RASGEF1C: variants seen among roughly 807,000 people sequenced by gnomAD.
The protein encoded by RASGEF1C is RasGEF domain family member 1C.
A neutral mutation model predicts 58.1 loss-of-function variants in RASGEF1C; 27 were observed. That is an observed-to-expected ratio of 0.46 (90% CI 0.34 to 0.64). The LOEUF (loss-of-function observed/expected upper bound fraction) is 0.64. Among genes scored for constraint, RASGEF1C ranks in the 30% least tolerant of loss-of-function variants. The pLI is 0.01. For missense variants in RASGEF1C, 502 were observed against 605.1 expected (o/e 0.83, Z 1.79); for synonymous variants, 243 against 246.3 (o/e 0.99, Z 0.13).
At chr5:180,121,264 C>A in intron 6 of RASGEF1C, 115 bp from the exon 7 acceptor site, 1 of 707,656 alleles carries the variant, frequency 1.4e-6, no homozygotes, top group Non-Finnish European at 2.5e-6. Flanking sequence ...ACCCCCAAAC[C>A]ATCCAGAAAT....
At chr5:180,159,201 G>A (rs938875859) in intron 1 of RASGEF1C, among the ~76,000 whole-genome samples, 3 of 150,518 alleles carry the variant, frequency 2.0e-5, no homozygotes, top group South Asian at 2.1e-4. Flanking sequence ...GTGCAACGGC[G>A]CGATCTCGGC....
rs73338746 is a variant in RASGEF1C at position 180,201,808 on chromosome 5, G to C, written c.-7+7220C>G. 4.2e-3 allele frequency among the ~76,000 whole-genome samples: 635 copies of C among 152,318 alleles called. 3 individuals carry two copies. The highest frequency in any genetic ancestry group is 0.031 in the Middle Eastern group (9 of 294). ...TAGTGCCCTTAGAAAAGAGGATCCA[G>C]AGAGCTCCCTTGTCCCTTCCTCCAT... On this transcript the variant is annotated intron_variant, in intron 1 of 13. Transcript: ENST00000361132.
chr5:180,161,663 C>T (rs1310761141), intron 1 of RASGEF1C, among the ~76,000 whole-genome samples: 2 of 152,244 alleles, frequency 1.3e-5, no homozygotes, highest in Non-Finnish European at 2.9e-5. Context: ...GCCTCGCCTC[C>T]CCAGCCCCGC....
At chr5:180,121,180 T>C in intron 6 of RASGEF1C, 31 bp from the exon 7 acceptor site, 1 of 1,478,406 alleles carries the variant, frequency 6.8e-7, no homozygotes, top group Non-Finnish European at 9.5e-7. Flanking sequence ...GGGACCACGT[T>C]CTGAGCCTTT....
chr5:180,130,167 C>T (rs915115013), intron 4 of RASGEF1C, among the ~76,000 whole-genome samples: 4 of 152,206 alleles, frequency 2.6e-5, no homozygotes, highest in Non-Finnish European at 4.4e-5. Context: ...ATTGTCTCGA[C>T]GGTGGTCCTA....
At chr5:180,157,592 A>G (rs1429385559) in intron 1 of RASGEF1C, among the ~76,000 whole-genome samples, 1 of 150,426 alleles carries the variant, frequency 6.6e-6, no homozygotes, top group Admixed American at 6.7e-5. Context: ...GCGCCATTGC[A>G]CTCCAGTCTC....
At chr5:180,182,183 C>T (rs556272013) in intron 1 of RASGEF1C, among the ~76,000 whole-genome samples, 18 of 100,618 alleles carry the variant, frequency 1.8e-4, no homozygotes, top group Admixed American at 7.5e-4. Flanking sequence ...CCAGCCTGGG[C>T]AACAGAGCAA....
At chr5:180,169,027 T>C (rs902201765) in intron 1 of RASGEF1C, among the ~76,000 whole-genome samples, 9 of 152,084 alleles carry the variant, frequency 5.9e-5, no homozygotes, top group Admixed American at 1.3e-4. Flanking sequence ...GTGCGTTCTG[T>C]TGGTTTTAAG....
At chr5:180,131,592 G>A (rs1582272317) in intron 4 of RASGEF1C, among the ~76,000 whole-genome samples, 1 of 152,150 alleles carries the variant, frequency 6.6e-6, no homozygotes, top group Non-Finnish European at 1.5e-5. Flanking sequence ...AGCCAACTGC[G>A]GGCTGCCCTG....
At position 180,109,330 on chromosome 5, in the gene RASGEF1C, T is replaced by C. The variant is rs969796570; in HGVS notation, c.1303+2127A>G. Among the ~76,000 whole-genome samples the C allele has an allele frequency of 9.4e-4, 143 of 152,002 alleles. 1 individual carries two copies. The highest frequency in any genetic ancestry group is 5.8e-3 in the South Asian group (28 of 4,802). Reference sequence around the variant, plus strand: ...AAAATTAGCCGGGCGTGGTGGTGGGTGCCTGTAGTCCCAGCTACTCGGGAG... The same window carrying C: ...AAAATTAGCCGGGCGTGGTGGTGGGCGCCTGTAGTCCCAGCTACTCGGGAG... On this transcript the variant is annotated intron_variant, in intron 12 of 13. Coordinates refer to ENST00000361132, the MANE Select transcript of RASGEF1C (RefSeq NM_175062.4).
intron 12 of RASGEF1C, among the ~76,000 whole-genome samples, chr5:180,109,568 C>A (rs1322702733): frequency 6.6e-6 from 1 of 152,186 alleles, no homozygotes; most frequent in Non-Finnish European, 1.5e-5. Context: ...ACCTTACAGA[C>A]ATGATTAAAT....
At chr5:180,121,555 C>T (rs946826483) in intron 6 of RASGEF1C, among the ~76,000 whole-genome samples, 59 of 151,956 alleles carry the variant, frequency 3.9e-4, no homozygotes, top group Non-Finnish European at 7.5e-4. Context: ...CCTCGTGATC[C>T]GCCCACCTCG....
chr5:180,153,823 A>C (rs1000157561), intron 1 of RASGEF1C, among the ~76,000 whole-genome samples: 15 of 152,234 alleles, frequency 9.9e-5, no homozygotes, highest in Non-Finnish European at 1.5e-5. Flanking sequence ...AATACTGGTA[A>C]GAATAAGTAT....
intron 1 of RASGEF1C, among the ~76,000 whole-genome samples, chr5:180,181,227 TA>T (rs1007434780): frequency 1.3e-5 from 2 of 152,160 alleles, no homozygotes; most frequent in African/African-American, 4.8e-5. Flanking sequence ...AGCTACCAGG[TA>T]AACATAAAAG....
intron 1 of RASGEF1C, among the ~76,000 whole-genome samples, chr5:180,171,264 T>C (rs1021751688): frequency 1.3e-5 from 2 of 151,902 alleles, no homozygotes; most frequent in Non-Finnish European, 2.9e-5. Context: ...TGGGAGGATC[T>C]GGAAGAAGTG....
chr5:180,113,291 A>C (rs1348599476), intron 11 of RASGEF1C, among the ~76,000 whole-genome samples: 3 of 70,054 alleles, frequency 4.3e-5, no homozygotes, highest in Admixed American at 1.4e-4. Flanking sequence ...GGGATCCAGG[A>C]TGGACGGAGG....
At position 180,101,465 on chromosome 5, in the gene RASGEF1C, GGCTCCAGCTCTTCCTCGTCCCTCA is replaced by G. The variant is rs773853474; in HGVS notation, c.*12_*35del. On this transcript the variant is annotated 3_prime_UTR_variant, in exon 14 of 14. Coordinates refer to ENST00000361132, the MANE Select transcript of RASGEF1C (RefSeq NM_175062.4). ...GGCAGGGCTGTGGACGGCTTCTGCG[GGCTCCAGCTCTTCCTCGTCCCTCA>G]GCTCAGCGCTTTCATGTCTTCCCCA... 2.5e-6 allele frequency: 4 copies of G among 1,607,504 alleles called. No homozygotes were observed. In the Admixed American group the frequency reaches 6.7e-5, roughly 27 times the overall value.
chr5:180,119,428 C>T lies in RASGEF1C; in HGVS notation c.825G>A (p.Arg275=), dbSNP rs776243028. Residue 275 remains arginine, a synonymous_variant, in exon 8 of 14, where the codon AGG becomes AGA. Coordinates refer to ENST00000361132, the MANE Select transcript of RASGEF1C (RefSeq NM_175062.4). ...EICMPAKKKQ[R]AQVIEFFIDV... ...CGATGAAGAACTCAATCACCTGGGC[C>T]CTCTGCTTCTTCTTGGCTGGCTGGG... The T allele has an allele frequency of 1.8e-5, 29 of 1,614,040 alleles. No individual in the cohort carries two copies. The highest frequency in any genetic ancestry group is 2.4e-5 in the Non-Finnish European group (28 of 1,179,998).
At chr5:180,140,600 C>T (rs7731938) in intron 1 of RASGEF1C, among the ~76,000 whole-genome samples, 30,687 of 152,172 alleles carry the variant, frequency 0.2, 3,473 homozygotes, top group African/African-American at 0.29. Context: ...CCACCACTCC[C>T]ACCCCTCCCT....
Sources: allele counts gnomAD v4.1 joint callset (sites outside exome capture counted in the v4.1 genomes callset), GRCh38; gene constraint gnomAD v4.1.1; transcripts MANE v1.5; gene names NCBI Gene and HGNC (gene_info 2026-07-23, HGNC 2026-07-21).